MTMR12: variants seen among roughly 807,000 people sequenced by gnomAD.
MTMR12 encodes the protein myotubularin related protein 12.
Under a neutral mutation model 96.7 loss-of-function variants are expected in MTMR12, and 33 were observed. That is an observed-to-expected ratio of 0.34 (90% CI 0.26 to 0.46). The LOEUF is 0.46. Among genes scored for constraint, MTMR12 ranks in the 20% least tolerant of loss-of-function variants. MTMR12 has a pLI of 1.00. For synonymous variants in MTMR12, 298 were observed against 327.2 expected (o/e 0.91, Z 0.96); for missense variants, 721 against 896.1 (o/e 0.80, Z 2.49).
chr5:32,288,928 A>C (rs1750645838), intron 1 of MTMR12, among the ~76,000 whole-genome samples: 1 of 152,178 alleles, frequency 6.6e-6, no homozygotes, highest in Admixed American at 6.5e-5. Context: ...ATCCTTGACC[A>C]ATGCTTTGCA....
At chr5:32,281,542 T>C (rs901781312) in intron 1 of MTMR12, among the ~76,000 whole-genome samples, 3 of 152,182 alleles carry the variant, frequency 2.0e-5, no homozygotes, top group African/African-American at 7.2e-5. Flanking sequence ...GCATCTTATC[T>C]TTTGCAATAG....
intron 1 of MTMR12, among the ~76,000 whole-genome samples, chr5:32,298,065 G>T (rs1750993476): frequency 6.6e-6 from 1 of 152,244 alleles, no homozygotes; most frequent in Non-Finnish European, 1.5e-5. Context: ...TTGGATCAGT[G>T]GAAGGGGCAA....
chr5:32,287,094 C>T (rs1750567920), intron 1 of MTMR12, among the ~76,000 whole-genome samples: 2 of 152,202 alleles, frequency 1.3e-5, no homozygotes, highest in African/African-American at 4.8e-5. Flanking sequence ...CTGCTGCACT[C>T]AGCAAGTGTT....
chr5:32,303,247 G>A (rs187496982), intron 1 of MTMR12, among the ~76,000 whole-genome samples: 36 of 152,170 alleles, frequency 2.4e-4, no homozygotes, highest in African/African-American at 1.9e-4. Context: ...TCCCATTTTC[G>A]AGGTAGAAAT....
At position 32,228,751 on chromosome 5, in the gene MTMR12, T is replaced by C. The variant is rs1747872756; in HGVS notation, c.*1027A>G. 2 of 151,524 alleles carry C rather than the reference T, an allele frequency of 1.3e-5. No individual in the cohort carries two copies. 9.4% of individuals were successfully genotyped at this position (151,524 alleles called of 1,614,324 possible). A position where few individuals can be genotyped will look rare whatever the true frequency, so the allele number is the denominator to read the frequency against. ...ATCATATGATAATCATCACTTCTGA[T>C]ATTTATGTTTAAGCTGCTTTCCTAT... On this transcript the variant is annotated 3_prime_UTR_variant, in exon 16 of 16. Transcript: ENST00000382142.
At chr5:32,231,847 C>A (rs1415357689) in intron 15 of MTMR12, among the ~76,000 whole-genome samples, 1 of 152,138 alleles carries the variant, frequency 6.6e-6, no homozygotes, top group Non-Finnish European at 1.5e-5. Flanking sequence ...CCTGCCTGCT[C>A]GGTTCTGTGC....
intron 1 of MTMR12, among the ~76,000 whole-genome samples, chr5:32,281,342 C>G (rs1750288139): frequency 6.6e-6 from 1 of 151,050 alleles, no homozygotes. Context: ...TAAATTGACT[C>G]TACTCAGGCT....
At chr5:32,303,847 C>CAAAAAAA in intron 1 of MTMR12, among the ~76,000 whole-genome samples, 1 of 68,388 alleles carries the variant, frequency 1.5e-5, no homozygotes, top group Non-Finnish European at 2.8e-5. Flanking sequence ...TTTGCCATCT[C>CAAAAAAA]AAAAAAAAAA....
At chr5:32,251,798 AT>A (rs1748937924) in intron 8 of MTMR12, among the ~76,000 whole-genome samples, 1 of 152,180 alleles carries the variant, frequency 6.6e-6, no homozygotes, top group Non-Finnish European at 1.5e-5. Context: ...AGAGACCCAG[AT>A]TCTGTATGAA....
Position 32,312,826 on chromosome 5 carries a change from CT to C in MTMR12, c.12del (p.Gly5GlufsTer2). MLG[K>X]GVVGGGGGTK... ...GTGCCGCCGCCACCGCCGACTACTCCTTTCCCCAGCATACCGCCGCCCTGGG... is the reference window on the plus strand; with the variant it reads ...GTGCCGCCGCCACCGCCGACTACTCCTTCCCCAGCATACCGCCGCCCTGGG... On this transcript the variant is annotated frameshift_variant, in exon 1 of 16. Coordinates refer to ENST00000382142, the MANE Select transcript of MTMR12 (RefSeq NM_001040446.3). LOFTEE classifies it high-confidence loss of function. The surrounding 1 kb of genome is among the most constrained non-coding windows in gnomAD (Gnocchi z 5.0). The C allele has an allele frequency of 6.5e-7, 1 of 1,531,404 alleles. No homozygotes were observed. 94.9% of individuals were successfully genotyped at this position (1,531,404 alleles called of 1,614,324 possible). A position where few individuals can be genotyped will look rare whatever the true frequency, so the allele number is the denominator to read the frequency against.
At chr5:32,264,241 A>T (rs1379207221) in intron 6 of MTMR12, among the ~76,000 whole-genome samples, 2 of 152,208 alleles carry the variant, frequency 1.3e-5, no homozygotes, top group African/African-American at 2.4e-5. Flanking sequence ...GTATTTATAC[A>T]TATACCACAA....
At chr5:32,242,230 TC>T in intron 11 of MTMR12, 103 bp from the exon 12 acceptor site, 1 of 747,460 alleles carries the variant, frequency 1.3e-6, no homozygotes, top group Non-Finnish European at 2.1e-6. Context: ...CAGTCTTCTC[TC>T]TTATTTTTTT....
chr5:32,276,381 G>A (rs1369019835), intron 2 of MTMR12, among the ~76,000 whole-genome samples: 1 of 152,242 alleles, frequency 6.6e-6, no homozygotes, highest in African/African-American at 2.4e-5. Flanking sequence ...CATACTGGAA[G>A]AGGCCATTAG....
intron 1 of MTMR12, among the ~76,000 whole-genome samples, chr5:32,294,138 C>T (rs1750837585): frequency 6.6e-6 from 1 of 152,164 alleles, no homozygotes. Context: ...AACCCACTGT[C>T]TCCACTCCTG....
intron 1 of MTMR12, among the ~76,000 whole-genome samples, chr5:32,278,907 G>A (rs969818294): frequency 2.7e-5 from 4 of 150,656 alleles, no homozygotes; most frequent in Non-Finnish European, 5.9e-5. Context: ...GAGAAACCCC[G>A]TCTCTACTAA....
At chr5:32,275,822 A>G (rs1750029335) in intron 2 of MTMR12, among the ~76,000 whole-genome samples, 2 of 152,268 alleles carry the variant, frequency 1.3e-5, no homozygotes, top group Admixed American at 1.3e-4. Context: ...TATAGAAAAA[A>G]AGCCTTTGAC....
Position 32,312,870 on chromosome 5 carries a change from C to G in MTMR12, c.-32G>C, listed in dbSNP as rs575930614. 1 of 1,509,192 alleles carries G rather than the reference C, an allele frequency of 6.6e-7. No individual in the cohort carries two copies. Among genetic ancestry groups the G allele is most frequent in the African/African-American group, 1.4e-5 (1 of 69,198 alleles). 93.5% of individuals were successfully genotyped at this position (1,509,192 alleles called of 1,614,324 possible). A position where few individuals can be genotyped will look rare whatever the true frequency, so the allele number is the denominator to read the frequency against. On this transcript the variant is annotated 5_prime_UTR_variant, in exon 1 of 16. Transcript: ENST00000382142. This position sits in a 1 kb window ranked among gnomAD's most constrained non-coding sequence, Gnocchi z 5.0. Reference sequence around the variant, plus strand: ...GCCCTGGGAAGCAGCGACGCGCGGACGCAGAGGCGGCGGCTCGGGCTCCAG... The same window carrying G: ...GCCCTGGGAAGCAGCGACGCGCGGAGGCAGAGGCGGCGGCTCGGGCTCCAG...
At chr5:32,304,088 G>A (rs750609987) in intron 1 of MTMR12, among the ~76,000 whole-genome samples, 3 of 152,064 alleles carry the variant, frequency 2.0e-5, no homozygotes, top group Admixed American at 6.5e-5. Context: ...TTTGGGAGCC[G>A]AGGCGGGCGG....
Position 32,267,532 on chromosome 5 carries a change from G to A in MTMR12, c.583+1169C>T, listed in dbSNP as rs540620445. 2.6e-4 allele frequency among the ~76,000 whole-genome samples: 39 copies of A among 152,270 alleles called. No homozygotes were observed. The South Asian group carries it at 7.7e-3, about 30-fold the overall frequency. On this transcript the variant is annotated intron_variant, in intron 6 of 15. Coordinates refer to ENST00000382142, the MANE Select transcript of MTMR12 (RefSeq NM_001040446.3). ...TGACCAGTTTTGTTCTTAAAAGATT[G>A]CTCTCTTTTTCACCAAACTGAATGA...
Sources: allele counts gnomAD v4.1 joint callset (sites outside exome capture counted in the v4.1 genomes callset), GRCh38; gene constraint gnomAD v4.1.1; non-coding constraint Gnocchi (gnomAD v3.1); transcripts MANE v1.5; gene names NCBI Gene and HGNC (gene_info 2026-07-23, HGNC 2026-07-21).